The following CNTNAP2 variants were observed in gnomAD, a reference collection of about 807,000 sequenced individuals.
CNTNAP2 encodes contactin-associated protein-like 2.
Under a neutral mutation model 155.2 loss-of-function variants are expected in CNTNAP2, and 98 were observed. The ratio of observed to expected loss-of-function variants is 0.63; its 90% confidence interval spans 0.54 to 0.75. CNTNAP2 has a LOEUF of 0.75. Ranked by LOEUF, CNTNAP2 falls within the 30% of genes least tolerant of loss-of-function variation. The probability of loss-of-function intolerance (pLI) is 0.00; values close to 1 mark genes in which losing one functional copy is unlikely to be tolerated. For synonymous variants in CNTNAP2, 651 were observed against 631.2 expected (o/e 1.03, Z -0.47); for missense variants, 1,727 against 1,688.1 (o/e 1.02, Z -0.40).
At chr7:147,354,730 A>G (rs1461475939) in intron 9 of CNTNAP2, among the ~76,000 whole-genome samples, 3 of 152,120 alleles carry the variant, frequency 2.0e-5, no homozygotes, top group Non-Finnish European at 4.4e-5. Context: ...TTTGGGCAGT[A>G]TGGCCATTTC....
At chr7:146,390,610 T>A (rs1022854129) in intron 1 of CNTNAP2, among the ~76,000 whole-genome samples, 4 of 149,892 alleles carry the variant, frequency 2.7e-5, no homozygotes, top group African/African-American at 9.7e-5. Context: ...GAAATAAAAA[T>A]ATATATTTTT....
chr7:148,088,536 A>G (rs182058646), intron 15 of CNTNAP2, among the ~76,000 whole-genome samples: 3 of 152,134 alleles, frequency 2.0e-5, no homozygotes, highest in Admixed American at 6.5e-5. Context: ...ACTGTTATGA[A>G]CAATTACACA....
chr7:148,343,471 A>C (rs1039416831), intron 21 of CNTNAP2, among the ~76,000 whole-genome samples: 2 of 152,050 alleles, frequency 1.3e-5, no homozygotes, highest in Non-Finnish European at 2.9e-5. Flanking sequence ...TCCCTTGTCC[A>C]CCTTCCTTTC....
intron 13 of CNTNAP2, among the ~76,000 whole-genome samples, chr7:147,730,338 G>A (rs1353189051): frequency 6.6e-6 from 1 of 152,070 alleles, no homozygotes; most frequent in Non-Finnish European, 1.5e-5. Context: ...CCTGTTTTAA[G>A]CCAACCCTAT....
At chr7:147,497,691 T>G (rs1276669275) in intron 11 of CNTNAP2, among the ~76,000 whole-genome samples, 1 of 152,196 alleles carries the variant, frequency 6.6e-6, no homozygotes, top group Non-Finnish European at 1.5e-5. Context: ...TAGAGAATAT[T>G]CAAGCATTTG....
chr7:148,093,914 A>G (rs1235605032), intron 15 of CNTNAP2, among the ~76,000 whole-genome samples: 1 of 152,086 alleles, frequency 6.6e-6, no homozygotes, highest in Non-Finnish European at 1.5e-5. Flanking sequence ...GTGCCACCGT[A>G]CCTGGCTGAT....
At chr7:147,171,567 C>T (rs765428753) in intron 8 of CNTNAP2, among the ~76,000 whole-genome samples, 1 of 152,166 alleles carries the variant, frequency 6.6e-6, no homozygotes, top group Non-Finnish European at 1.5e-5. Flanking sequence ...TTACTTACTC[C>T]TAACTGGTAA....
intron 3 of CNTNAP2, among the ~76,000 whole-genome samples, chr7:146,953,658 C>A (rs1286787245): frequency 6.6e-6 from 1 of 151,776 alleles, no homozygotes; most frequent in Non-Finnish European, 1.5e-5. Flanking sequence ...ATTTTACTGG[C>A]CCCCAAATGG....
chr7:146,405,587 C>T (rs1029375356), intron 1 of CNTNAP2, among the ~76,000 whole-genome samples: 34 of 152,172 alleles, frequency 2.2e-4, no homozygotes, highest in African/African-American at 7.0e-4. Context: ...TAGAATTATA[C>T]GTACAGAGAG....
Position 147,759,418 on chromosome 7 carries a change from G to A in CNTNAP2, c.2098+120112G>A, listed in dbSNP as rs148477293. Among the ~76,000 whole-genome samples, 471 of 152,216 alleles carry A rather than the reference G, an allele frequency of 3.1e-3. 2 individuals are homozygous for A. Among genetic ancestry groups the A allele is most frequent in the Middle Eastern group, 6.8e-3 (2 of 294 alleles). Reference sequence around the variant, plus strand: ...AATGCTCTTTGCAATGAGTACCTCCGGTTTACCATTGTGGAGGAAATATTG... The same window carrying A: ...AATGCTCTTTGCAATGAGTACCTCCAGTTTACCATTGTGGAGGAAATATTG... On this transcript the variant is annotated intron_variant, in intron 13 of 23. Coordinates refer to ENST00000361727, the MANE Select transcript of CNTNAP2 (RefSeq NM_014141.6).
chr7:146,737,267 G>A (rs1801637014), intron 1 of CNTNAP2, among the ~76,000 whole-genome samples: 3 of 152,032 alleles, frequency 2.0e-5, no homozygotes, highest in Non-Finnish European at 1.5e-5. Flanking sequence ...ACCTCACATA[G>A]TTATCTTTTT....
At chr7:147,647,004 C>T (rs1427957809) in intron 13 of CNTNAP2, among the ~76,000 whole-genome samples, 4 of 145,594 alleles carry the variant, frequency 2.7e-5, no homozygotes, top group African/African-American at 7.6e-5. Flanking sequence ...TTTTTTGAGA[C>T]GGAATCTCAC....
chr7:148,354,847 A>T (rs1798484748), intron 21 of CNTNAP2, among the ~76,000 whole-genome samples: 1 of 152,118 alleles, frequency 6.6e-6, no homozygotes, highest in African/African-American at 2.4e-5. Context: ...GCCTGGGGAC[A>T]GACCCTAGCA....
chr7:146,932,119 G>A (rs1171231971), intron 3 of CNTNAP2, among the ~76,000 whole-genome samples: 2 of 151,968 alleles, frequency 1.3e-5, no homozygotes, highest in East Asian at 3.9e-4. Flanking sequence ...CCAAAGCCTG[G>A]CAGAGACACA....
At chr7:148,051,095 T>A (rs114684691) in intron 15 of CNTNAP2, among the ~76,000 whole-genome samples, 1,881 of 152,352 alleles carry the variant, frequency 0.012, 48 homozygotes, top group African/African-American at 0.043. Flanking sequence ...ATTTTTTCAG[T>A]GTAGCTTGTT....
At chr7:147,232,139 A>G (rs1803694958) in intron 8 of CNTNAP2, among the ~76,000 whole-genome samples, 2 of 152,240 alleles carry the variant, frequency 1.3e-5, no homozygotes, top group East Asian at 1.9e-4. Context: ...AGATCTGTAC[A>G]CTGAAAACTA....
At chr7:146,827,222 A>G (rs1803422444) in intron 2 of CNTNAP2, among the ~76,000 whole-genome samples, 1 of 152,054 alleles carries the variant, frequency 6.6e-6, no homozygotes, top group African/African-American at 2.4e-5. Context: ...GGCAGTGGTT[A>G]TTAAATAATG....
At chr7:148,192,898 G>A (rs1403594561) in intron 18 of CNTNAP2, among the ~76,000 whole-genome samples, 2 of 151,846 alleles carry the variant, frequency 1.3e-5, no homozygotes, top group Admixed American at 1.3e-4. Context: ...GCATTTTTTG[G>A]CGGTGTTTGA....
At chr7:146,900,566 C>T (rs1346115112) in intron 3 of CNTNAP2, among the ~76,000 whole-genome samples, 5 of 152,164 alleles carry the variant, frequency 3.3e-5, no homozygotes, top group Non-Finnish European at 7.3e-5. Context: ...CCTGGCCTAT[C>T]TTGCTAGTCC....
Sources: gnomAD v4.1 joint callset for allele counts (sites outside exome capture counted in the v4.1 genomes callset) on GRCh38, gnomAD v4.1.1 for gene constraint, MANE v1.5 for transcripts, NCBI Gene and HGNC (gene_info 2026-07-23, HGNC 2026-07-21) for gene names.